The following INPP5A variants were observed in gnomAD, a reference collection of about 807,000 sequenced individuals.
INPP5A encodes the protein inositol polyphosphate-5-phosphatase A.
Under a neutral mutation model 65.2 loss-of-function variants are expected in INPP5A, and 14 were observed. The observed-to-expected ratio is 0.21, with a 90% CI of 0.14 to 0.34. The LOEUF (loss-of-function observed/expected upper bound fraction) is 0.34. Among genes scored for constraint, INPP5A ranks in the 10% least tolerant of loss-of-function variants. The pLI, the probability that INPP5A is intolerant of heterozygous loss-of-function variation, is 1.00. For missense variants in INPP5A, 431 were observed against 545.6 expected, an observed-to-expected ratio of 0.79 and a Z score of 2.09; for synonymous variants, 207 against 208.3, an observed-to-expected ratio of 0.99 and a Z score of 0.05.
chr10:132,730,569 G>A (rs117075467), intron 9 of INPP5A, among the ~76,000 whole-genome samples: 2,058 of 152,354 alleles, frequency 0.014, 23 homozygotes, highest in South Asian at 0.024. Context: ...TTAAGACAGC[G>A]GGTGTGGGGC....
chr10:132,776,816 G>A (rs374072724), intron 12 of INPP5A, among the ~76,000 whole-genome samples: 26 of 152,266 alleles, frequency 1.7e-4, no homozygotes, highest in African/African-American at 6.0e-4. Flanking sequence ...TTCCAGACTC[G>A]GCGGGTAGTG....
intron 5 of INPP5A, among the ~76,000 whole-genome samples, chr10:132,693,104 G>T (rs1421583186): frequency 6.6e-6 from 1 of 152,022 alleles, no homozygotes; most frequent in Admixed American, 6.5e-5. Context: ...AAGTGGACAT[G>T]GATTAGTTAT....
intron 13 of INPP5A, among the ~76,000 whole-genome samples, chr10:132,778,492 A>G (rs995349445): frequency 6.6e-6 from 1 of 151,948 alleles, no homozygotes; most frequent in Non-Finnish European, 1.5e-5. Context: ...CCCACATTTT[A>G]ACATACAAGG....
chr10:132,712,409 G>C (rs946748138), intron 8 of INPP5A, among the ~76,000 whole-genome samples: 4 of 150,992 alleles, frequency 2.6e-5, no homozygotes, highest in Admixed American at 1.3e-4. Flanking sequence ...GTGGGTGCAC[G>C]AGTGCATACA....
chr10:132,545,968 A>G lies in INPP5A; in HGVS notation c.75+7797A>G, dbSNP rs764507503. Among the ~76,000 whole-genome samples the G allele has an allele frequency of 3.3e-5, 5 of 152,140 alleles. No individual in the cohort carries two copies. The highest frequency in any genetic ancestry group is 7.3e-5 in the Non-Finnish European group (5 of 68,030). On this transcript the variant is annotated intron_variant, in intron 1 of 15. Transcript: ENST00000368594. This position sits in a 1 kb window ranked among gnomAD's most constrained non-coding sequence, Gnocchi z 4.6. ...GTCCACTCTTTAGGCTCTAATGTTC[A>G]TGGTGTGTTTGGAGACGTGGAAGTG...
At chr10:132,717,349 C>G (rs1005519851) in intron 8 of INPP5A, among the ~76,000 whole-genome samples, 1 of 149,218 alleles carries the variant, frequency 6.7e-6, no homozygotes, top group Non-Finnish European at 1.5e-5. Flanking sequence ...GGGTGCGGCA[C>G]TGGGGATCAG....
chr10:132,709,344 AGT>A (rs1246035985), intron 7 of INPP5A, among the ~76,000 whole-genome samples: 2 of 105,386 alleles, frequency 1.9e-5, no homozygotes, highest in Non-Finnish European at 3.8e-5. Flanking sequence ...GTGGGGGAAG[AGT>A]GAGAGAGAAG....
intron 6 of INPP5A, among the ~76,000 whole-genome samples, chr10:132,703,852 A>C (rs1380086632): frequency 4.6e-5 from 1 of 21,660 alleles, no homozygotes; most frequent in Non-Finnish European, 7.7e-5. Flanking sequence ...CCACACACAC[A>C]AGCTTCACCC....
At chr10:132,719,200 T>G (rs1590953095) in intron 8 of INPP5A, among the ~76,000 whole-genome samples, 1 of 148,372 alleles carries the variant, frequency 6.7e-6, no homozygotes, top group East Asian at 2.0e-4. Context: ...CTGGGTTCTG[T>G]CTGGGCACCT....
intron 9 of INPP5A, among the ~76,000 whole-genome samples, chr10:132,730,046 G>GC (rs1846055420): frequency 6.6e-6 from 1 of 152,222 alleles, no homozygotes; most frequent in Non-Finnish European, 1.5e-5. Context: ...AGTCGTCACT[G>GC]TTTTTTATCA....
rs1174015081 is a variant in INPP5A at position 132,644,356 on chromosome 10, A to T, written c.118-1512A>T. 6.6e-6 allele frequency among the ~76,000 whole-genome samples: 1 copy of T among 152,100 alleles called. No individual in the cohort carries two copies. Among genetic ancestry groups the T allele is most frequent in the Non-Finnish European group, 1.5e-5 (1 of 67,998 alleles). ...CGGAGCCTGTGCACGGGGCCTGGTC[A>T]GAGCTGTTTCTGTCTCCCCAGCCTG... On this transcript the variant is annotated intron_variant, in intron 2 of 15. Transcript: ENST00000368594. This position sits in a 1 kb window ranked among gnomAD's most constrained non-coding sequence, Gnocchi z 6.5.
chr10:132,577,245 G>A (rs2071421687), intron 1 of INPP5A, among the ~76,000 whole-genome samples: 1 of 152,202 alleles, frequency 6.6e-6, no homozygotes, highest in Non-Finnish European at 1.5e-5. Flanking sequence ...GCCGCCCGTG[G>A]TGCATCACGT....
intron 2 of INPP5A, among the ~76,000 whole-genome samples, chr10:132,629,514 C>T (rs149259702): frequency 8.3e-4 from 126 of 152,318 alleles, no homozygotes; most frequent in African/African-American, 2.9e-3. Flanking sequence ...TGTGGGGCGA[C>T]GGGAGACCTG....
At chr10:132,594,254 T>G (rs1403299633) in intron 1 of INPP5A, among the ~76,000 whole-genome samples, 1 of 152,226 alleles carries the variant, frequency 6.6e-6, no homozygotes, top group African/African-American at 2.4e-5. Flanking sequence ...CCGCGTGTGA[T>G]TATTAAAATT....
chr10:132,769,743 C>A (rs1315687601), intron 12 of INPP5A, among the ~76,000 whole-genome samples: 6 of 152,228 alleles, frequency 3.9e-5, no homozygotes, highest in African/African-American at 1.4e-4. Flanking sequence ...CCAAGGCCCT[C>A]AGGGCAGGAT....
chr10:132,726,391 G>A (rs11146480), intron 8 of INPP5A, among the ~76,000 whole-genome samples: 91 of 152,192 alleles, frequency 6.0e-4, no homozygotes, highest in Non-Finnish European at 3.4e-4. Flanking sequence ...CCCTCCTCCC[G>A]TCTGTCTCCC....
intron 1 of INPP5A, among the ~76,000 whole-genome samples, chr10:132,540,863 G>A (rs4880266): frequency 0.087 from 13,217 of 152,298 alleles, 638 homozygotes; most frequent in Middle Eastern, 0.11. Flanking sequence ...GAGGAGGAAG[G>A]TGTTTGAATC....
At chr10:132,764,140 C>G (rs1470165081) in intron 11 of INPP5A, among the ~76,000 whole-genome samples, 1 of 152,278 alleles carries the variant, frequency 6.6e-6, no homozygotes, top group Non-Finnish European at 1.5e-5. Context: ...GGCAGGAGGC[C>G]TGGGCCGGTG....
At chr10:132,680,602 C>T (rs762957685) in intron 4 of INPP5A, among the ~76,000 whole-genome samples, 58 of 152,232 alleles carry the variant, frequency 3.8e-4, no homozygotes, top group Non-Finnish European at 7.3e-4. Context: ...CTGTGGGAGC[C>T]CCTTTCTGGG....
Sources: gnomAD v4.1 joint callset for allele counts (sites outside exome capture counted in the v4.1 genomes callset) on GRCh38, gnomAD v4.1.1 for gene constraint, Gnocchi (gnomAD v3.1) non-coding constraint, MANE v1.5 for transcripts, NCBI Gene and HGNC (gene_info 2026-07-23, HGNC 2026-07-21) for gene names.